Variants in RTN4R observed in about 807,000 individuals in gnomAD.
The protein encoded by RTN4R is reticulon 4 receptor.
Under a neutral mutation model 27.7 loss-of-function variants are expected in RTN4R, and 4 were observed. The observed-to-expected ratio is 0.14, with a 90% CI of 0.07 to 0.33. The LOEUF is 0.33. RTN4R is among the 10% of genes least tolerant of loss of function. The probability of loss-of-function intolerance (pLI) is 1.00; values close to 1 mark genes in which losing one functional copy is unlikely to be tolerated. For missense variants in RTN4R, 554 were observed against 671.5 expected (o/e 0.83, Z 1.93); for synonymous variants, 290 against 305.6 (o/e 0.95, Z 0.53).
intron 1 of RTN4R, among the ~76,000 whole-genome samples, chr22:20,262,267 G>C (rs1488781283): frequency 6.6e-6 from 1 of 152,130 alleles, no homozygotes; most frequent in Non-Finnish European, 1.5e-5. Context: ...GTGGGGAGCT[G>C]TGTGTGCAGG....
Position 20,246,419 on chromosome 22 carries a change from C to T in RTN4R, c.23-3309G>A, listed in dbSNP as rs1019145487. On this transcript the variant is annotated intron_variant, in intron 1 of 1. Transcript: ENST00000043402. ...GTTCTGGTGAGTGGAGGGCTGTTCA[C>T]GTTCACTGCAGGAGGGAGTGTGGCG... Among the ~76,000 whole-genome samples the T allele has an allele frequency of 2.4e-4, 35 of 148,292 alleles. 1 individual carries two copies. The highest frequency in any genetic ancestry group is 2.1e-3 in the Admixed American group (31 of 14,922).
chr22:20,256,904 C>T (rs1017787400), intron 1 of RTN4R, among the ~76,000 whole-genome samples: 3 of 152,186 alleles, frequency 2.0e-5, no homozygotes, highest in African/African-American at 7.2e-5. Context: ...TCCTTGACAC[C>T]CCTCCACCTT....
In RTN4R at chr22:20,242,370, G is replaced by T; in HGVS notation, c.763C>A (p.Leu255Met). Residue 255 changes from leucine (L) to methionine (M), a missense_variant, in exon 2 of 2, where the codon CTG becomes ATG. Physicochemically the swap from Leu to Met is conservative, Grantham distance 15 (BLOSUM62 2). Around this residue, in one of 2 missense-constraint regions of RTN4R, gnomAD observed 413 missense variants for 542.3 expected, o/e 0.76. Transcript: ENST00000043402. Reference protein sequence around the residue: ...ALAPLRALQYLRLNDNPWVCD... With the variant: ...ALAPLRALQYMRLNDNPWVCD... ...ACCCAGGGGTTGTCGTTGAGCCTCA[G>T]GTACTGCAGGGCACGCAGGGGGGCC... 6.2e-7 allele frequency: 1 copy of T among 1,612,956 alleles called. No homozygotes were observed. The highest frequency in any genetic ancestry group is 8.5e-7 in the Non-Finnish European group (1 of 1,179,900).
rs1431845239 is a variant in RTN4R, at chr22:20,241,763, A to G, written c.1370T>C (p.Leu457Pro). 3 of 1,553,388 alleles carry G rather than the reference A, an allele frequency of 1.9e-6. No homozygotes were observed. The highest frequency in any genetic ancestry group is 2.6e-6 in the Non-Finnish European group (3 of 1,148,642). ...SGALPSLTCS[L>P]TPLGLALVLW... ...CACCAGCGCCAGGCCCAGGGGGGTG[A>G]GGCTGCAGGTGAGGCTGGGTAGGGC... Residue 457 changes from leucine (L) to proline (P), a missense_variant, in exon 2 of 2, where the codon CTC becomes CCC. Physicochemically the swap from Leu to Pro is moderately conservative, Grantham distance 98 (BLOSUM62 -3). Around this residue, in one of 2 missense-constraint regions of RTN4R, gnomAD observed 141 missense variants for 129.2 expected, o/e 1.09. Transcript: ENST00000043402.
rs190321563 is a variant in RTN4R, at chr22:20,267,075, G to A, written c.22+996C>T. Among the ~76,000 whole-genome samples the A allele has an allele frequency of 1.5e-4, 23 of 152,366 alleles. No homozygotes were observed. In the East Asian group the frequency reaches 4.4e-3, roughly 29 times the overall value. ...GTGGAGACCACAGCAGGCATGCCGC[G>A]TGCATGCATGTGTGGCCGTGGGTGT... On this transcript the variant is annotated intron_variant, in intron 1 of 1. Transcript: ENST00000043402.
rs1262162315 is a variant in RTN4R at position 20,241,729 on chromosome 22, T to C, written c.1404A>G (p.Thr468=). The C allele has an allele frequency of 8.4e-6, 13 of 1,550,194 alleles. No homozygotes were observed. Among genetic ancestry groups the C allele is most frequent in the South Asian group, 3.6e-5 (3 of 84,180 alleles). ...CTGGGGGTCAGCAGGGCCCAAGCAC[T>C]GTCCACAGCACCAGCGCCAGGCCCA... The part of the protein sequence containing the change: ...TPLGLALVLW[T]VLGPC Residue 468 remains threonine, a synonymous_variant, in exon 2 of 2, where the codon ACA becomes ACG. Transcript: ENST00000043402.
intron 1 of RTN4R, among the ~76,000 whole-genome samples, chr22:20,253,844 TA>T (rs11333422): frequency 0.24 from 35,880 of 149,056 alleles, 4,615 homozygotes; most frequent in East Asian, 0.47. Flanking sequence ...TCACTAAAAT[TA>T]AAAAAAAAAT....
intron 1 of RTN4R, among the ~76,000 whole-genome samples, chr22:20,246,641 G>A (rs2051142895): frequency 1.3e-5 from 2 of 152,208 alleles, no homozygotes; most frequent in Non-Finnish European, 2.9e-5. Flanking sequence ...CCTTCTTCAT[G>A]TGGTCCCTGG....
intron 1 of RTN4R, among the ~76,000 whole-genome samples, chr22:20,263,223 A>G (rs12171082): frequency 0.012 from 1,796 of 152,300 alleles, 35 homozygotes; most frequent in African/African-American, 0.041. Flanking sequence ...TACCCATCCC[A>G]GGGCCCTTGC....
At chr22:20,248,776 G>T (rs1314662558) in intron 1 of RTN4R, among the ~76,000 whole-genome samples, 2 of 152,208 alleles carry the variant, frequency 1.3e-5, no homozygotes, top group African/African-American at 4.8e-5. Context: ...GTTGGCAGGA[G>T]CCCAGGAGCC....
chr22:20,252,149 T>C (rs1333649840), intron 1 of RTN4R, among the ~76,000 whole-genome samples: 2 of 152,046 alleles, frequency 1.3e-5, no homozygotes, highest in African/African-American at 4.8e-5. Context: ...ACCATCCTCA[T>C]CCCTGTCACC....
intron 1 of RTN4R, among the ~76,000 whole-genome samples, chr22:20,244,043 A>G (rs1393256611): frequency 2.0e-5 from 3 of 152,076 alleles, no homozygotes; most frequent in African/African-American, 7.2e-5. Flanking sequence ...TCATTCCACC[A>G]TTGAGCCCCC....
At chr22:20,256,404 C>G (rs2051212432) in intron 1 of RTN4R, among the ~76,000 whole-genome samples, 1 of 152,250 alleles carries the variant, frequency 6.6e-6, no homozygotes, top group Non-Finnish European at 1.5e-5. Flanking sequence ...CTCCAGCACC[C>G]AGCTGGTCTC....
rs994098884 is a variant in RTN4R at position 20,241,757 on chromosome 22, G to C, written c.1376C>G (p.Pro459Arg). 1.2e-5 allele frequency: 18 copies of C among 1,552,774 alleles called. No homozygotes were observed. In the Admixed American group the frequency reaches 2.5e-4, roughly 22 times the overall value. ...ALPSLTCSLT[P>R]LGLALVLWTV... ...CCACAGCACCAGCGCCAGGCCCAGG[G>C]GGGTGAGGCTGCAGGTGAGGCTGGG... Residue 459 changes from proline to arginine, a missense_variant, in exon 2 of 2, where the codon CCC becomes CGC. Physicochemically the swap from Pro to Arg is moderately radical, Grantham distance 103. Coordinates refer to ENST00000043402, the MANE Select transcript of RTN4R (RefSeq NM_023004.6).
At chr22:20,261,538 G>A (rs982002805) in intron 1 of RTN4R, among the ~76,000 whole-genome samples, 4 of 152,222 alleles carry the variant, frequency 2.6e-5, no homozygotes, top group African/African-American at 7.2e-5. Context: ...CAGAGGGTAG[G>A]TGGCTCCCCG....
chr22:20,251,101 G>A (rs578083971), intron 1 of RTN4R, among the ~76,000 whole-genome samples: 1 of 152,236 alleles, frequency 6.6e-6, no homozygotes, highest in Non-Finnish European at 1.5e-5. Context: ...AGGCTGGGCC[G>A]AGGCCTCTCC....
At chr22:20,244,051 C>A (rs2051125992) in intron 1 of RTN4R, among the ~76,000 whole-genome samples, 2 of 152,218 alleles carry the variant, frequency 1.3e-5, no homozygotes, top group Non-Finnish European at 2.9e-5. Flanking sequence ...CCATTGAGCC[C>A]CCACCCCTTT....
intron 1 of RTN4R, among the ~76,000 whole-genome samples, chr22:20,256,127 T>G (rs1864793680): frequency 6.6e-6 from 1 of 152,202 alleles, no homozygotes; most frequent in South Asian, 2.1e-4. Context: ...CTGAGGCTGA[T>G]GCGCCGCCCC....
chr22:20,254,688 G>T (rs1444770880), intron 1 of RTN4R, among the ~76,000 whole-genome samples: 1 of 151,922 alleles, frequency 6.6e-6, no homozygotes, highest in South Asian at 2.1e-4. Context: ...CCCAGAAAGA[G>T]GAAAACGTGG....
Sources: gnomAD v4.1 joint callset for allele counts (sites outside exome capture counted in the v4.1 genomes callset) on GRCh38, gnomAD v4.1.1 for gene constraint, gnomAD v4.1.1 regional missense constraint, MANE v1.5 for transcripts, NCBI Gene and HGNC (gene_info 2026-07-23, HGNC 2026-07-21) for gene names.